Variants in NFYA observed in about 807,000 individuals in gnomAD.
The protein encoded by NFYA is nuclear transcription factor Y subunit alpha, also known as CAAT-box DNA binding protein subunit A.
Under a neutral mutation model 52.8 loss-of-function variants are expected in NFYA, and 28 were observed. The observed-to-expected ratio is 0.53, with a 90% CI of 0.39 to 0.73. The LOEUF is 0.73. Ranked by LOEUF, NFYA falls within the 30% of genes least tolerant of loss-of-function variation. The probability of loss-of-function intolerance (pLI) is 0.00; values close to 1 mark genes in which losing one functional copy is unlikely to be tolerated. For synonymous variants in NFYA, 150 were observed against 150.7 expected (o/e 1.00, Z 0.03); for missense variants, 234 against 427.0 (o/e 0.55, Z 3.98).
At chr6:41,077,767 T>A (rs1317377616) in intron 1 of NFYA, among the ~76,000 whole-genome samples, 1 of 152,164 alleles carries the variant, frequency 6.6e-6, no homozygotes, top group Non-Finnish European at 1.5e-5. Flanking sequence ...AAATCCAAAT[T>A]ATAGCTAGAA....
intron 1 of NFYA, among the ~76,000 whole-genome samples, chr6:41,073,660 G>C (rs1420919009): frequency 6.6e-6 from 1 of 152,008 alleles, no homozygotes; most frequent in Non-Finnish European, 1.5e-5. Flanking sequence ...GCGGCCGCGG[G>C]GTCCCGTGTG....
In NFYA at chr6:41,097,278, G is replaced by T. The variant is rs1764385285; in HGVS notation, c.991-79G>T. 4 of 1,294,292 alleles carry T rather than the reference G, an allele frequency of 3.1e-6. No individual in the cohort carries two copies. The Admixed American group carries it at 6.8e-5, about 22-fold the overall frequency. 80.2% of individuals were successfully genotyped at this position (1,294,292 alleles called of 1,614,324 possible). A position where few individuals can be genotyped will look rare whatever the true frequency, so the allele number is the denominator to read the frequency against. ...TTGGTAAAGTTATGTGTATTCTCTT[G>T]GGGGGATAAGTAGTGAGAGCCATGA... On this transcript the variant is annotated intron_variant, in intron 9 of 9. Transcript: ENST00000341376.
rs183543788 is a variant in NFYA at position 41,079,588 on chromosome 6, C to T, written c.75+424C>T. Among the ~76,000 whole-genome samples the T allele has an allele frequency of 1.6e-3, 246 of 152,210 alleles. 1 individual carries two copies. Among genetic ancestry groups the T allele is most frequent in the Admixed American group, 0.014 (209 of 15,292 alleles). Reference sequence around the variant, plus strand: ...GCCACATTTTTTATTCAGAAAAGCTCTGGTTTAACATTAGGATAATATTTA... The same window carrying T: ...GCCACATTTTTTATTCAGAAAAGCTTTGGTTTAACATTAGGATAATATTTA... On this transcript the variant is annotated intron_variant, in intron 2 of 9. Coordinates refer to ENST00000341376, the MANE Select transcript of NFYA (RefSeq NM_002505.5).
Position 41,100,702 on chromosome 6 carries a change from G to C in NFYA, c.*3292G>C, listed in dbSNP as rs1431962410. Among the ~76,000 whole-genome samples, 3 of 152,268 alleles carry C rather than the reference G, an allele frequency of 2.0e-5. No individual in the cohort carries two copies. The highest frequency in any genetic ancestry group is 7.2e-5 in the African/African-American group (3 of 41,472). On this transcript the variant is annotated 3_prime_UTR_variant, in exon 10 of 10. Transcript: ENST00000341376. ...GACCCAAGATTCTACTCTGTGGTAT[G>C]AGGGAAAGACCTCTCGATATTTATC...
At position 41,099,791 on chromosome 6, in the gene NFYA, G is replaced by A. The variant is rs1035833325; in HGVS notation, c.*2381G>A. 2 of 151,358 alleles carry A rather than the reference G, an allele frequency of 1.3e-5. No homozygotes were observed. The highest frequency in any genetic ancestry group is 2.1e-4 in the South Asian group (1 of 4,812). 9.4% of individuals were successfully genotyped at this position (151,358 alleles called of 1,614,324 possible). ...CTGGTACATTGAACATGTCAGTGTC[G>A]ATGCCACTGGACCAACAGAGCATTT... On this transcript the variant is annotated 3_prime_UTR_variant, in exon 10 of 10. Coordinates refer to ENST00000341376, the MANE Select transcript of NFYA (RefSeq NM_002505.5).
intron 4 of NFYA, among the ~76,000 whole-genome samples, chr6:41,087,681 T>A (rs1434159764): frequency 6.6e-6 from 1 of 152,190 alleles, no homozygotes. Context: ...CATTTTGAGC[T>A]ATGGGGCTCT....
At chr6:41,091,735 T>G in intron 7 of NFYA, 41 bp downstream of exon 7, 1 of 1,600,878 alleles carries the variant, frequency 6.2e-7, no homozygotes, top group Non-Finnish European at 8.5e-7. Context: ...TGAAATTTTC[T>G]TGAACATGCA....
rs1764474641 is a variant in NFYA at position 41,100,663 on chromosome 6, C to A, written c.*3253C>A. Among the ~76,000 whole-genome samples, 1 of 152,216 alleles carries A rather than the reference C, an allele frequency of 6.6e-6. No individual in the cohort carries two copies. Among genetic ancestry groups the A allele is most frequent in the African/African-American group, 2.4e-5 (1 of 41,450 alleles). Reference sequence around the variant, plus strand: ...TTTATGCCAGTGGAACCTGTCCTTACCAAATTCAGAGATGACCCAAGATTC... The same window carrying A: ...TTTATGCCAGTGGAACCTGTCCTTAACAAATTCAGAGATGACCCAAGATTC... On this transcript the variant is annotated 3_prime_UTR_variant, in exon 10 of 10. Transcript: ENST00000341376.
At chr6:41,073,394 A>AGGTTCTCAGGCCCC (rs1297549822) in intron 1 of NFYA, among the ~76,000 whole-genome samples, 1 of 151,694 alleles carries the variant, frequency 6.6e-6, no homozygotes, top group Non-Finnish European at 1.5e-5. Flanking sequence ...ACTCAGGCCC[A>AGGTTCTCAGGCCCC]GGTTCTCAGG....
chr6:41,102,203 A>C lies in NFYA; in HGVS notation c.*4793A>C, dbSNP rs1025054432. On this transcript the variant is annotated 3_prime_UTR_variant, in exon 10 of 10. Transcript: ENST00000341376. ...GGGCCAGAAGTACTTTAAAACAGGTACCAAAGGGTCATTCCTTTAGCATCA... is the reference window on the plus strand; with the variant it reads ...GGGCCAGAAGTACTTTAAAACAGGTCCCAAAGGGTCATTCCTTTAGCATCA... 6.6e-6 allele frequency: 1 copy of C among 152,112 alleles called. No individual in the cohort carries two copies. Among genetic ancestry groups the C allele is most frequent in the Non-Finnish European group, 1.5e-5 (1 of 68,024 alleles). 9.4% of individuals were successfully genotyped at this position (152,112 alleles called of 1,614,324 possible).
intron 4 of NFYA, among the ~76,000 whole-genome samples, chr6:41,085,809 A>C (rs1764029858): frequency 6.6e-6 from 1 of 151,870 alleles, no homozygotes; most frequent in Non-Finnish European, 1.5e-5. Flanking sequence ...CAGAATTTCT[A>C]ATTTATAAAA....
At chr6:41,080,699 T>G in intron 2 of NFYA, 112 bp from the exon 3 acceptor site, 1 of 815,378 alleles carries the variant, frequency 1.2e-6, no homozygotes, top group South Asian at 1.6e-5. Flanking sequence ...CTGTACATTT[T>G]GAAAGTCCTT....
At chr6:41,081,981 T>C (rs1007089835) in intron 3 of NFYA, among the ~76,000 whole-genome samples, 17 of 152,248 alleles carry the variant, frequency 1.1e-4, no homozygotes, top group African/African-American at 4.1e-4. Flanking sequence ...CTACTCTGTG[T>C]ATGTAGGTTA....
At chr6:41,088,214 C>T (rs896764717) in intron 4 of NFYA, among the ~76,000 whole-genome samples, 1 of 151,728 alleles carries the variant, frequency 6.6e-6, no homozygotes, top group Admixed American at 6.6e-5. Flanking sequence ...GTCAGGAGAT[C>T]GAGACCATCC....
At chr6:41,083,293 C>G (rs950807460) in intron 3 of NFYA, among the ~76,000 whole-genome samples, 4 of 152,194 alleles carry the variant, frequency 2.6e-5, no homozygotes, top group Non-Finnish European at 4.4e-5. Context: ...CTTGACTGCT[C>G]TGTGTAATTT....
chr6:41,073,572 C>T (rs1280964705), intron 1 of NFYA, among the ~76,000 whole-genome samples: 2 of 151,922 alleles, frequency 1.3e-5, no homozygotes, highest in Non-Finnish European at 2.9e-5. Context: ...GCCCCCCGCT[C>T]CCCGCTCCCA....
At position 41,084,073 on chromosome 6, in the gene NFYA, G is replaced by A; in HGVS notation, c.190G>A (p.Val64Ile). ...VVQGQPLMVQ[V>I]SGGQLITSTG... ...CCAAGGGCAGCCATTAATGGTGCAG[G>A]TCAGTGGAGGCCAGCTAATCACATC... The change falls in exon 4 of 10, where the codon GTC becomes ATC. Residue 64 changes from valine (V) to isoleucine (I), a missense_variant. By Grantham distance (29) the Val-to-Ile change is conservative. Coordinates refer to ENST00000341376, the MANE Select transcript of NFYA (RefSeq NM_002505.5). The A allele has an allele frequency of 6.2e-7, 1 of 1,613,472 alleles. No homozygotes were observed. Among genetic ancestry groups the A allele is most frequent in the Non-Finnish European group, 8.5e-7 (1 of 1,179,734 alleles).
At chr6:41,083,702 A>G (rs1283980347) in intron 3 of NFYA, among the ~76,000 whole-genome samples, 1 of 152,152 alleles carries the variant, frequency 6.6e-6, no homozygotes. Flanking sequence ...ACTACAGACC[A>G]TTCCTGGATT....
rs1201225274 is a variant in NFYA, at chr6:41,101,280, C to T, written c.*3870C>T. On this transcript the variant is annotated 3_prime_UTR_variant, in exon 10 of 10. Coordinates refer to ENST00000341376, the MANE Select transcript of NFYA (RefSeq NM_002505.5). ...AGGCCTCGACGGTTACAGGCCTAGC[C>T]TCCCGCGAGCTAAGGCACAGTTTAA... The T allele has an allele frequency of 3.3e-5, 5 of 152,242 alleles. No homozygotes were observed. The highest frequency in any genetic ancestry group is 1.2e-4 in the African/African-American group (5 of 41,452). 9.4% of individuals were successfully genotyped at this position (152,242 alleles called of 1,614,324 possible).
Sources: gnomAD v4.1 joint callset for allele counts (sites outside exome capture counted in the v4.1 genomes callset) on GRCh38, gnomAD v4.1.1 for gene constraint, MANE v1.5 for transcripts, NCBI Gene and HGNC (gene_info 2026-07-23, HGNC 2026-07-21) for gene names.